Variants in UNC80 observed in about 807,000 individuals in gnomAD.
The protein encoded by UNC80 is protein unc-80 homolog.
A neutral mutation model predicts 384.6 loss-of-function variants in UNC80; 164 were observed. The observed-to-expected ratio is 0.43, with a 90% confidence interval of 0.38 to 0.49. The LOEUF (loss-of-function observed/expected upper bound fraction) is 0.49. UNC80 is among the 20% of genes least tolerant of loss of function. UNC80 has a pLI of 0.00. For missense variants in UNC80, 3,330 were observed against 4,143.0 expected, an observed-to-expected ratio of 0.80 and a Z score of 5.39; for synonymous variants, 1,486 against 1,527.8, an observed-to-expected ratio of 0.97 and a Z score of 0.64.
intron 47 of UNC80, among the ~76,000 whole-genome samples, chr2:209,953,634 C>G (rs1479692315): frequency 6.6e-6 from 1 of 151,982 alleles, no homozygotes; most frequent in Non-Finnish European, 1.5e-5. Flanking sequence ...ATCATAATGG[C>G]TGTTTCCAAC....
At chr2:209,790,032 T>G (rs2077697817) in intron 6 of UNC80, among the ~76,000 whole-genome samples, 1 of 151,884 alleles carries the variant, frequency 6.6e-6, no homozygotes. Flanking sequence ...AAAGAGGGAG[T>G]TGGAAGGAGT....
chr2:209,893,335 A>T (rs1003205133), intron 26 of UNC80, among the ~76,000 whole-genome samples: 1 of 152,186 alleles, frequency 6.6e-6, no homozygotes, highest in African/African-American at 2.4e-5. Flanking sequence ...CAAATCTTGA[A>T]AAGGAAGGAG....
At chr2:209,982,078 G>T in intron 59 of UNC80, 101 bp from the exon 60 acceptor site, 1 of 1,236,122 alleles carries the variant, frequency 8.1e-7, no homozygotes, top group South Asian at 1.6e-5. Context: ...ACAGCCCTAA[G>T]TTGTACACAA....
intron 33 of UNC80, 52 bp downstream of exon 33, chr2:209,918,715 T>A: frequency 6.9e-7 from 1 of 1,456,582 alleles, no homozygotes; most frequent in Non-Finnish European, 9.2e-7. Context: ...AAGAGAACAA[T>A]TAATATTTGT....
chr2:209,886,833 T>C (rs768405353), intron 25 of UNC80, among the ~76,000 whole-genome samples: 3 of 152,200 alleles, frequency 2.0e-5, no homozygotes, highest in Non-Finnish European at 4.4e-5. Context: ...GAAATTTAGC[T>C]GTTTATAGCA....
chr2:209,836,174 C>G (rs1269972960), intron 18 of UNC80, among the ~76,000 whole-genome samples: 2 of 152,160 alleles, frequency 1.3e-5, no homozygotes, highest in Non-Finnish European at 2.9e-5. Flanking sequence ...AGCTTCCTTT[C>G]TTAAAATTCA....
At position 209,982,179 on chromosome 2, in the gene UNC80, A is replaced by G. The variant is rs1186863092; in HGVS notation, c.9119A>G (p.Asn3040Ser). 2 of 1,550,722 alleles carry G rather than the reference A, an allele frequency of 1.3e-6. No homozygotes were observed. The highest frequency in any genetic ancestry group is 1.7e-6 in the Non-Finnish European group (2 of 1,146,494). Residue 3040 changes from asparagine to serine, a missense_variant and splice_region_variant, in exon 60 of 65, where the codon AAT becomes AGT. Transcript: ENST00000673920. Reference sequence around the variant, plus strand: ...CACTCTATTCCTTTGCCCCTTTTAGATGACTCTATAAGCATGCCCAGCGTG... The same window carrying G: ...CACTCTATTCCTTTGCCCCTTTTAGGTGACTCTATAAGCATGCCCAGCGTG... ...LSRTDEEDEE[N>S]DSISMPSVVS...
chr2:209,828,837 A>T (rs948237093), intron 14 of UNC80, among the ~76,000 whole-genome samples: 1 of 152,146 alleles, frequency 6.6e-6, no homozygotes, highest in Non-Finnish European at 1.5e-5. Context: ...TGTGGCATGC[A>T]TCTTCCCATT....
chr2:209,797,206 G>GAAAC lies in UNC80; in HGVS notation c.938+3359_938+3362dup, dbSNP rs537572013. Among the ~76,000 whole-genome samples the GAAAC allele has an allele frequency of 4.0e-4, 61 of 151,810 alleles. No homozygotes were observed. In the South Asian group the frequency reaches 8.5e-3, roughly 21 times the overall value. On this transcript the variant is annotated intron_variant, in intron 7 of 64. Transcript: ENST00000673920. Reference sequence around the variant, plus strand: ...TTTTTTTTCCTTTATTTCTTCTAAAGAAACAAACAAACAAAAAAAATGAGA... The same window carrying GAAAC: ...TTTTTTTTCCTTTATTTCTTCTAAAGAAACAAACAAACAAACAAAAAAAATGAGA...
In UNC80 at chr2:209,898,794, C is replaced by G. The variant is rs371838401; in HGVS notation, c.4581+2381C>G. On this transcript the variant is annotated intron_variant, in intron 28 of 64. Coordinates refer to ENST00000673920, the MANE Select transcript of UNC80 (RefSeq NM_001371986.1). ...ACCCTTGCCAGCCTCTGGTAACCAT[C>G]TTTCTAACTCTCTATGTCCATGAGT... 2.0e-4 allele frequency among the ~76,000 whole-genome samples: 30 copies of G among 152,304 alleles called. No individual in the cohort carries two copies. The East Asian group carries it at 4.6e-3, about 24-fold the overall frequency.
At chr2:209,778,567 G>A (rs2076991965) in intron 4 of UNC80, among the ~76,000 whole-genome samples, 2 of 152,122 alleles carry the variant, frequency 1.3e-5, no homozygotes, top group Admixed American at 6.5e-5. Flanking sequence ...ACTTGGAGGA[G>A]ACAATATAAT....
chr2:209,906,261 CT>C (rs1482374737), intron 29 of UNC80, among the ~76,000 whole-genome samples: 1 of 151,844 alleles, frequency 6.6e-6, no homozygotes, highest in East Asian at 1.9e-4. Flanking sequence ...TTAATTACAA[CT>C]TTTTTATTAT....
In UNC80 at chr2:209,978,711, A is replaced by G; in HGVS notation, c.9118+3A>G. On this transcript the variant is annotated splice_donor_region_variant and intron_variant, in intron 59 of 64. Coordinates refer to ENST00000673920, the MANE Select transcript of UNC80 (RefSeq NM_001371986.1). The stretch of plus-strand genomic sequence containing the variant: ...GACTGATGAGGAAGATGAGGAAAGT[A>G]GGTCATTCCAGAGAATCTGGGCAGT... 6.6e-7 allele frequency: 1 copy of G among 1,524,452 alleles called. No individual in the cohort carries two copies. The highest frequency in any genetic ancestry group is 8.9e-7 in the Non-Finnish European group (1 of 1,126,404). 94.4% of individuals were successfully genotyped at this position (1,524,452 alleles called of 1,614,324 possible).
chr2:209,919,229 A>C (rs1330688613), intron 33 of UNC80, among the ~76,000 whole-genome samples: 1 of 152,190 alleles, frequency 6.6e-6, no homozygotes, highest in Non-Finnish European at 1.5e-5. Flanking sequence ...TTTTGAAAAA[A>C]ATTCATCTTC....
intron 22 of UNC80, among the ~76,000 whole-genome samples, chr2:209,870,933 A>G (rs1038756804): frequency 6.6e-6 from 1 of 152,172 alleles, no homozygotes; most frequent in Non-Finnish European, 1.5e-5. Flanking sequence ...AAGCCGTGAG[A>G]CAACATGTGG....
intron 4 of UNC80, among the ~76,000 whole-genome samples, chr2:209,780,042 C>A (rs2077069218): frequency 6.6e-6 from 1 of 152,190 alleles, no homozygotes; most frequent in Non-Finnish European, 1.5e-5. Context: ...GAAGATTAAA[C>A]AAGTTATAGT....
Position 209,939,589 on chromosome 2 carries a change from C to T in UNC80, c.6583C>T (p.Arg2195Cys), listed in dbSNP as rs926523476. The change falls in exon 43 of 65, where the codon CGC becomes TGC. Residue 2195 changes from arginine to cysteine, a missense_variant. By Grantham distance (180) the Arg-to-Cys change is radical. Around this residue, in one of 8 missense-constraint regions of UNC80, gnomAD observed 1,049 missense variants for 1,488.6 expected, o/e 0.70. Coordinates refer to ENST00000673920, the MANE Select transcript of UNC80 (RefSeq NM_001371986.1). ...HVSMLQEDLLRLPSFPRSAID... is the reference protein window; with the variant it reads ...HVSMLQEDLLCLPSFPRSAID... ...CTCCATGCTTCAGGAAGACCTCCTCCGCCTGCCCTCATTCCCTCGTAGTGC... is the reference window on the plus strand; with the variant it reads ...CTCCATGCTTCAGGAAGACCTCCTCTGCCTGCCCTCATTCCCTCGTAGTGC... 3 of 1,551,890 alleles carry T rather than the reference C, an allele frequency of 1.9e-6. No individual in the cohort carries two copies. Among genetic ancestry groups the T allele is most frequent in the African/African-American group, 2.7e-5 (2 of 73,156 alleles).
Position 209,972,254 on chromosome 2 carries a change from A to T in UNC80, c.8310A>T (p.Gln2770His), listed in dbSNP as rs1310480678. 1 of 1,551,738 alleles carries T rather than the reference A, an allele frequency of 6.4e-7. No individual in the cohort carries two copies. The highest frequency in any genetic ancestry group is 8.7e-7 in the Non-Finnish European group (1 of 1,146,914). Residue 2770 changes from glutamine (Q) to histidine (H), a missense_variant, in exon 55 of 65, where the codon CAA (glutamine) becomes CAT (histidine). Physicochemically the swap from Gln to His is conservative, Grantham distance 24. Coordinates refer to ENST00000673920, the MANE Select transcript of UNC80 (RefSeq NM_001371986.1). ...LSHVISPFTNQERREGMLLNL... is the reference protein window; with the variant it reads ...LSHVISPFTNHERREGMLLNL... ...ATGTGATCTCCCCATTCACCAATCA[A>T]GAGCGAAGGGAGGGGATGCTTTTAA...
In UNC80 at chr2:209,817,689, CTG is replaced by C. The variant is rs2079840478; in HGVS notation, c.1553-119_1553-118del. On this transcript the variant is annotated intron_variant, in intron 10 of 64. Transcript: ENST00000673920. ...CAAGTTCAGTTCTTGCTTTTTTTGT[CTG>C]TGTTTCACACTTTTCCTAACAGCCC... 3.3e-6 allele frequency: 4 copies of C among 1,220,468 alleles called. No individual in the cohort carries two copies. The African/African-American group carries it at 4.6e-5, about 14-fold the overall frequency. 75.6% of individuals were successfully genotyped at this position (1,220,468 alleles called of 1,614,324 possible).
Sources: gnomAD v4.1 joint callset for allele counts (sites outside exome capture counted in the v4.1 genomes callset) on GRCh38, gnomAD v4.1.1 for gene constraint, gnomAD v4.1.1 regional missense constraint, MANE v1.5 for transcripts, NCBI Gene and HGNC (gene_info 2026-07-23, HGNC 2026-07-21) for gene names.